HSD11B1: variants seen among roughly 807,000 people sequenced by gnomAD.
The protein encoded by HSD11B1 is hydroxysteroid 11-beta dehydrogenase 1.
In HSD11B1, 15 loss-of-function variants were observed where a neutral mutation model predicts 22.1. That is an observed-to-expected ratio of 0.68 (90% confidence interval 0.45 to 1.04). The LOEUF (loss-of-function observed/expected upper bound fraction) is 1.04, where lower values mean the gene tolerates loss of function less well. Ranked by LOEUF, HSD11B1 falls within the 50% of genes least tolerant of loss-of-function variation. HSD11B1 has a pLI of 0.00. For missense variants in HSD11B1, 281 were observed against 357.6 expected, an observed-to-expected ratio of 0.79 and a Z score of 1.73; for synonymous variants, 122 against 125.2, an observed-to-expected ratio of 0.97 and a Z score of 0.17.
chr1:209,689,950 C>T (rs1393912130), intron 1 of HSD11B1, among the ~76,000 whole-genome samples: 10 of 152,168 alleles, frequency 6.6e-5, no homozygotes, highest in South Asian at 2.1e-4. Flanking sequence ...ACGGCCACAG[C>T]AACATCAATA....
Position 209,711,228 on chromosome 1 carries a change from G to A in HSD11B1, c.517+4100G>A, listed in dbSNP as rs377518615. Among the ~76,000 whole-genome samples the A allele has an allele frequency of 1.1e-4, 16 of 152,238 alleles. No homozygotes were observed. The East Asian group carries it at 2.5e-3, about 24-fold the overall frequency. On this transcript the variant is annotated intron_variant, in intron 4 of 5. Coordinates refer to ENST00000367027, the MANE Select transcript of HSD11B1 (RefSeq NM_005525.4). ...CTATAATGATGTTTTGCATAGACAAGGATATACAGATGTTAATGTCATCCC... is the reference window on the plus strand; with the variant it reads ...CTATAATGATGTTTTGCATAGACAAAGATATACAGATGTTAATGTCATCCC...
At chr1:209,697,236 C>T (rs2076796542) in intron 1 of HSD11B1, among the ~76,000 whole-genome samples, 1 of 152,186 alleles carries the variant, frequency 6.6e-6, no homozygotes, top group Admixed American at 6.5e-5. Context: ...CTCTTTCACA[C>T]CTCTTTCTAT....
chr1:209,687,971 T>C lies in HSD11B1; in HGVS notation c.-49+1686T>C, dbSNP rs147869921. On this transcript the variant is annotated intron_variant, in intron 1 of 6. Transcript: ENST00000261465. The stretch of plus-strand genomic sequence containing the variant: ...GCATTTTACATGTCTCATTTCTTTA[T>C]GTAATCTTCATATTATCCTCATTTT... 3.7e-3 allele frequency among the ~76,000 whole-genome samples: 561 copies of C among 152,368 alleles called. 4 individuals are homozygous for C. Among genetic ancestry groups the C allele is most frequent in the Non-Finnish European group, 7.0e-3 (476 of 68,032 alleles).
chr1:209,688,883 G>C (rs980228580), intron 1 of HSD11B1, among the ~76,000 whole-genome samples: 1 of 152,218 alleles, frequency 6.6e-6, no homozygotes. Flanking sequence ...ACTCTTGGAA[G>C]ATGGAAAGTG....
chr1:209,705,077 C>A, intron 1 of HSD11B1, 47 bp downstream of exon 1: 1 of 1,445,936 alleles, frequency 6.9e-7, no homozygotes, highest in Non-Finnish European at 9.7e-7. Context: ...TTAAAAAACA[C>A]AGGGGTGCTT....
chr1:209,699,262 G>C (rs1040813084), intron 1 of HSD11B1, among the ~76,000 whole-genome samples: 1 of 152,038 alleles, frequency 6.6e-6, no homozygotes, highest in African/African-American at 2.4e-5. Context: ...AATCTTATGC[G>C]TTATTGTATT....
intron 4 of HSD11B1, among the ~76,000 whole-genome samples, chr1:209,710,770 G>T (rs2102376856): frequency 6.6e-6 from 1 of 152,280 alleles, no homozygotes; most frequent in South Asian, 2.1e-4. Flanking sequence ...AGGAATAAAA[G>T]AACCTTGTCA....
upstream of HSD11B1, among the ~76,000 whole-genome samples, chr1:209,703,628 A>C (rs762909878): frequency 9.9e-5 from 15 of 152,138 alleles, no homozygotes; most frequent in Non-Finnish European, 1.8e-4. Flanking sequence ...CTAAAGTGAA[A>C]ATTTGATGAA....
Position 209,734,434 on chromosome 1 carries a change from C to A in HSD11B1, c.792C>A (p.Thr264=). Residue 264 remains threonine, a synonymous_variant, in exon 6 of 6, where the codon ACC becomes ACA. Transcript: ENST00000367027. ...TGTATTATGACAGCTCACTCTGGACCACTCTTCTGATCAGAAATCCATGCA... is the reference window on the plus strand; with the variant it reads ...TGTATTATGACAGCTCACTCTGGACAACTCTTCTGATCAGAAATCCATGCA... ...EEVYYDSSLW[T]TLLIRNPCRK... The A allele has an allele frequency of 1.2e-6, 2 of 1,614,078 alleles. No homozygotes were observed. Among genetic ancestry groups the A allele is most frequent in the Non-Finnish European group, 1.7e-6 (2 of 1,179,958 alleles).
At chr1:209,703,616 C>T (rs1160800364), upstream of HSD11B1, among the ~76,000 whole-genome samples, 6 of 152,134 alleles carry the variant, frequency 3.9e-5, no homozygotes, top group Non-Finnish European at 8.8e-5. Context: ...TTTTCTCTTA[C>T]TCTAAAGTGA....
intron 4 of HSD11B1, among the ~76,000 whole-genome samples, chr1:209,724,650 T>G (rs901253035): frequency 6.6e-6 from 1 of 152,222 alleles, no homozygotes; most frequent in African/African-American, 2.4e-5. Context: ...AATAAAAATC[T>G]AGATTTTTAG....
In HSD11B1 at chr1:209,710,206, A is replaced by T. The variant is rs142192092; in HGVS notation, c.517+3078A>T. 2.4e-3 allele frequency among the ~76,000 whole-genome samples: 368 copies of T among 152,348 alleles called. 2 individuals carry two copies. Among genetic ancestry groups the T allele is most frequent in the African/African-American group, 8.4e-3 (349 of 41,578 alleles). On this transcript the variant is annotated intron_variant, in intron 4 of 5. Coordinates refer to ENST00000367027, the MANE Select transcript of HSD11B1 (RefSeq NM_005525.4). ...TCTGGAAAAAAGTTTATCTGACATTAGTCAAAATAGGTCATCTTAGGTTCA... is the reference window on the plus strand; with the variant it reads ...TCTGGAAAAAAGTTTATCTGACATTTGTCAAAATAGGTCATCTTAGGTTCA...
At chr1:209,695,048 A>G (rs1306311833) in intron 1 of HSD11B1, among the ~76,000 whole-genome samples, 1 of 152,178 alleles carries the variant, frequency 6.6e-6, no homozygotes, top group Admixed American at 6.5e-5. Flanking sequence ...TGTTCTCATG[A>G]TAGTGAGTGA....
At chr1:209,718,881 A>G (rs1310801527) in intron 4 of HSD11B1, among the ~76,000 whole-genome samples, 1 of 151,908 alleles carries the variant, frequency 6.6e-6, no homozygotes, top group Non-Finnish European at 1.5e-5. Flanking sequence ...TTAGCTGGGC[A>G]TGGTGGCAGG....
Position 209,734,299 on chromosome 1 carries a change from T to C in HSD11B1, c.662-5T>C. 1 of 1,611,162 alleles carries C rather than the reference T, an allele frequency of 6.2e-7. No homozygotes were observed. On this transcript the variant is annotated splice_polypyrimidine_tract_variant and splice_region_variant and intron_variant, in intron 5 of 5. Transcript: ENST00000367027. Reference sequence around the variant, plus strand: ...TAACCCTACTCTTCCCTTGTCATTCTATAGAAACAGCCATGAAGGCAGTTT... The same window carrying C: ...TAACCCTACTCTTCCCTTGTCATTCCATAGAAACAGCCATGAAGGCAGTTT...
chr1:209,689,006 C>G (rs1320747311), intron 1 of HSD11B1, among the ~76,000 whole-genome samples: 1 of 152,100 alleles, frequency 6.6e-6, no homozygotes, highest in Non-Finnish European at 1.5e-5. Flanking sequence ...AGCAGAAGAC[C>G]CTTGGCCTCT....
intron 1 of HSD11B1, among the ~76,000 whole-genome samples, chr1:209,692,055 A>G (rs1204262251): frequency 2.0e-5 from 3 of 152,008 alleles, no homozygotes; most frequent in Non-Finnish European, 4.4e-5. Flanking sequence ...TATATTAATA[A>G]ATGTAAAAAC....
chr1:209,692,980 C>T lies in HSD11B1; in HGVS notation c.-49+6695C>T, dbSNP rs558664734. ...TCTGTATATTTAAGTCTCTCTCCCT[C>T]CCTCCTTCATTCTCTTTTATTTTCA... On this transcript the variant is annotated intron_variant, in intron 1 of 6. Transcript: ENST00000261465. 3.1e-4 allele frequency among the ~76,000 whole-genome samples: 47 copies of T among 152,250 alleles called. No homozygotes were observed. The South Asian group carries it at 9.3e-3, about 30-fold the overall frequency.
At chr1:209,691,290 T>C (rs1330825851) in intron 1 of HSD11B1, among the ~76,000 whole-genome samples, 1 of 152,222 alleles carries the variant, frequency 6.6e-6, no homozygotes, top group Non-Finnish European at 1.5e-5. Context: ...CACTGTCCTT[T>C]ATTTGGCCGG....
Sources: allele counts gnomAD v4.1 joint callset (sites outside exome capture counted in the v4.1 genomes callset), GRCh38; gene constraint gnomAD v4.1.1; transcripts MANE v1.5; gene names NCBI Gene and HGNC (gene_info 2026-07-23, HGNC 2026-07-21).